CELSR2: variants seen among roughly 807,000 people sequenced by gnomAD.
CELSR2 encodes the protein EGF-like protein 2.
Under a neutral mutation model 251.6 loss-of-function variants are expected in CELSR2, and 81 were observed. The observed-to-expected ratio is 0.32, with a 90% CI of 0.27 to 0.39. The LOEUF (loss-of-function observed/expected upper bound fraction) is 0.39. CELSR2 is among the 10% of genes least tolerant of loss of function. The probability of loss-of-function intolerance (pLI) is 1.00; values close to 1 mark genes in which losing one functional copy is unlikely to be tolerated. For synonymous variants in CELSR2, 1,721 were observed against 1,670.5 expected, an observed-to-expected ratio of 1.03 and a Z score of -0.74; for missense variants, 3,365 against 3,947.7, an observed-to-expected ratio of 0.85 and a Z score of 3.96.
chr1:109,270,907 C>CG lies in CELSR2; in HGVS notation c.7484-19dup, dbSNP rs753377149. 1 of 1,582,468 alleles carries CG rather than the reference C, an allele frequency of 6.3e-7. No individual in the cohort carries two copies. Among genetic ancestry groups the CG allele is most frequent in the Non-Finnish European group, 8.7e-7 (1 of 1,154,822 alleles). On this transcript the variant is annotated intron_variant, in intron 24 of 33. Coordinates refer to ENST00000271332, the MANE Select transcript of CELSR2 (RefSeq NM_001408.3). ...CCCCTCATCACCCCTCCACTGCTCC[C>CG]GTCTGTCTCCATGCTCCAGGGCTAG...
Position 109,264,374 on chromosome 1 carries a change from C to A in CELSR2, c.5289+9C>A. On this transcript the variant is annotated intron_variant, in intron 10 of 33. Coordinates refer to ENST00000271332, the MANE Select transcript of CELSR2 (RefSeq NM_001408.3). ...TTCGGGGCTGTTTGCAGGTGAGTGT[C>A]CTGCCCTGCCCTCCCATCCCCTCCC... is the stretch of plus-strand genomic sequence containing the variant. 1 of 1,602,092 alleles carries A rather than the reference C, an allele frequency of 6.2e-7. No individual in the cohort carries two copies. Among genetic ancestry groups the A allele is most frequent in the Non-Finnish European group, 8.5e-7 (1 of 1,171,244 alleles).
rs532630947 is a variant in CELSR2 at position 109,265,124 on chromosome 1, T to C, written c.5607-67T>C. Reference sequence around the variant, plus strand: ...CACAGCCAGGGTCAGAAGGGCCACATAGGGCTCACCTAGGTTAGGTGGGAG... The same window carrying C: ...CACAGCCAGGGTCAGAAGGGCCACACAGGGCTCACCTAGGTTAGGTGGGAG... On this transcript the variant is annotated intron_variant, in intron 12 of 33. Coordinates refer to ENST00000271332, the MANE Select transcript of CELSR2 (RefSeq NM_001408.3). The C allele has an allele frequency of 3.8e-6, 6 of 1,585,682 alleles. No individual in the cohort carries two copies. In the East Asian group the frequency reaches 6.7e-5, roughly 18 times the overall value.
intron 2 of CELSR2, among the ~76,000 whole-genome samples, chr1:109,259,749 T>C (rs1042181568): frequency 6.6e-6 from 1 of 152,144 alleles, no homozygotes; most frequent in Non-Finnish European, 1.5e-5. Context: ...ATTGCACCTG[T>C]ATGGGCCTGG....
rs767466666 is a variant in CELSR2, at chr1:109,261,137, A to T, written c.4054A>T (p.Lys1352Ter). 3.1e-6 allele frequency: 5 copies of T among 1,613,988 alleles called. No individual in the cohort carries two copies. The highest frequency in any genetic ancestry group is 4.2e-6 in the Non-Finnish European group (5 of 1,180,010). The change falls in exon 3 of 34, where the codon AAG becomes TAG. Residue 1352 changes from lysine (K) to a stop codon, truncating the protein, a stop_gained. Transcript: ENST00000271332. LOFTEE classifies it high-confidence loss of function. The surrounding 1 kb of genome is among the most constrained non-coding windows in gnomAD (Gnocchi z 4.8). ...TGTCAACCTGCTGGTGGGCGGTTTC[A>T]AGTGCGATTGCCCATCTGGAGACTT... Reference protein sequence around the residue: ...TCVNLLVGGFKCDCPSGDFEK... With the variant: ...TCVNLLVGGF
At position 109,264,358 on chromosome 1, in the gene CELSR2, G is replaced by T; in HGVS notation, c.5282G>T (p.Cys1761Phe). ...GGTGTGGCCCGTGGCTTTCGGGGCT[G>T]TTTGCAGGTGAGTGTCCTGCCCTGC... ...AGGVARGFRG[C>F]LQGVRVSDTP... The change falls in exon 10 of 34, where the codon TGT becomes TTT. Residue 1761 changes from cysteine to phenylalanine, a missense_variant. This residue lies in a region of CELSR2 where 2,093 missense variants were observed against 2,382.8 expected (regional missense o/e 0.88). Transcript: ENST00000271332. 1.2e-6 allele frequency: 2 copies of T among 1,607,108 alleles called. No homozygotes were observed. The highest frequency in any genetic ancestry group is 1.7e-6 in the Non-Finnish European group (2 of 1,174,830).
At chr1:109,254,306 G>A (rs1263758502) in intron 1 of CELSR2, among the ~76,000 whole-genome samples, 1 of 152,234 alleles carries the variant, frequency 6.6e-6, no homozygotes, top group Non-Finnish European at 1.5e-5. Flanking sequence ...GGAGAGAACA[G>A]AGTCCCAGGG....
At position 109,258,464 on chromosome 1, in the gene CELSR2, C is replaced by T. The variant is rs1290236831; in HGVS notation, c.3343C>T (p.Leu1115=). ...GVHSVTAQCA[L]RVTIITDEML... The stretch of plus-strand genomic sequence containing the variant: ...ACACAGCGTGACCGCCCAGTGCGCG[C>T]TGCGTGTGACCATCATCACCGATGA... The change falls in exon 2 of 34, where the codon CTG becomes TTG. Residue 1115 remains leucine, a synonymous_variant. Transcript: ENST00000271332. The T allele has an allele frequency of 6.2e-7, 1 of 1,603,976 alleles. No homozygotes were observed. Among genetic ancestry groups the T allele is most frequent in the Non-Finnish European group, 8.5e-7 (1 of 1,175,440 alleles).
chr1:109,250,205 C>T lies in CELSR2; in HGVS notation c.126C>T (p.Ser42=). The change falls in exon 1 of 34, where the codon TCC becomes TCT. Residue 42 remains serine, a synonymous_variant. Transcript: ENST00000271332. The surrounding 1 kb of genome is among the most constrained non-coding windows in gnomAD (Gnocchi z 4.4). ...TGGGGCCCTGTCGTTCCTTGGGGTC[C>T]AGGGGACGAGGCTCTTCGGGGGCCT... The part of the protein sequence containing the change: ...DQVGPCRSLG[S]RGRGSSGACA... 6.2e-7 allele frequency: 1 copy of T among 1,600,522 alleles called. No individual in the cohort carries two copies. Among genetic ancestry groups the T allele is most frequent in the Non-Finnish European group, 8.5e-7 (1 of 1,174,870 alleles).
Position 109,270,485 on chromosome 1 carries a change from G to T in CELSR2, c.7368G>T (p.Trp2456Cys), listed in dbSNP as rs762107951. The T allele has an allele frequency of 6.8e-6, 11 of 1,614,086 alleles. No homozygotes were observed. The Admixed American group carries it at 1.7e-4, about 24-fold the overall frequency. Reference sequence around the variant, plus strand: ...TCCTGTACCTCTGCACCTTTTCCTGGGCTCTGCTGGAGGCCTTGCACCTGT... The same window carrying T: ...TCCTGTACCTCTGCACCTTTTCCTGTGCTCTGCTGGAGGCCTTGCACCTGT... ...LHFLYLCTFS[W>C]ALLEALHLYR... The change falls in exon 24 of 34, where the codon TGG becomes TGT. Residue 2456 changes from tryptophan to cysteine, a missense_variant. By Grantham distance (215) the Trp-to-Cys change is radical. Coordinates refer to ENST00000271332, the MANE Select transcript of CELSR2 (RefSeq NM_001408.3).
At position 109,259,223 on chromosome 1, in the gene CELSR2, C is replaced by T; in HGVS notation, c.3958+144C>T. The T allele has an allele frequency of 1.7e-5, 13 of 753,368 alleles. No homozygotes were observed. The South Asian group carries it at 2.3e-4, about 13-fold the overall frequency. The allele number at this position is 753,368 out of a possible 1,614,324, so 46.7% of individuals were successfully genotyped here. On this transcript the variant is annotated intron_variant, in intron 2 of 33. Coordinates refer to ENST00000271332, the MANE Select transcript of CELSR2 (RefSeq NM_001408.3). ...ACTGAGAGGTCATAAATCCGGCCTG[C>T]TCCCTGACAGCACCCCACTGAGGAA...
Position 109,270,040 on chromosome 1 carries a change from C to T in CELSR2, c.7215C>T (p.Arg2405=), listed in dbSNP as rs753124493. The T allele has an allele frequency of 1.9e-6, 3 of 1,614,148 alleles. No homozygotes were observed. Among genetic ancestry groups the T allele is most frequent in the South Asian group, 2.2e-5 (2 of 91,074 alleles). The part of the protein sequence containing the change: ...FFFLTLLRIL[R]SNQHGIRRNL... ...TCCTCACTCTCTTGCGTATCCTGCG[C>T]TCCAACCAACACGGCATCCGACGTA... The change falls in exon 23 of 34, where the codon CGC becomes CGT. Residue 2405 remains arginine, a synonymous_variant. Transcript: ENST00000271332.
At chr1:109,273,715 G>T in intron 33 of CELSR2, 45 bp downstream of exon 33, 1 of 1,393,160 alleles carries the variant, frequency 7.2e-7, no homozygotes, top group Non-Finnish European at 9.6e-7. Context: ...CCCCTCGGAG[G>T]CCTCACCTGG....
In CELSR2 at chr1:109,253,309, C is replaced by G. The variant is rs1177447311; in HGVS notation, c.3230C>G (p.Ala1077Gly). Residue 1077 changes from alanine (A) to glycine (G), a missense_variant, in exon 1 of 34, where the codon GCC becomes GGC. Ala to Gly is a moderately conservative substitution (Grantham distance 60, BLOSUM62 0). This residue lies in a region of CELSR2 where 505 missense variants were observed against 660.0 expected (regional missense o/e 0.77). Coordinates refer to ENST00000271332, the MANE Select transcript of CELSR2 (RefSeq NM_001408.3). ...GAACTCAGCCTGGTCCTGCTCAATGCCTCCACGGGTGAGCTGAAGCTAAGC... is the reference window on the plus strand; with the variant it reads ...GAACTCAGCCTGGTCCTGCTCAATGGCTCCACGGGTGAGCTGAAGCTAAGC... The part of the protein sequence containing the change: ...GNELSLVLLN[A>G]STGELKLSRA... The G allele has an allele frequency of 1.2e-6, 2 of 1,613,468 alleles. No homozygotes were observed.
chr1:109,260,706 A>G (rs895245322), intron 2 of CELSR2, among the ~76,000 whole-genome samples: 1 of 152,132 alleles, frequency 6.6e-6, no homozygotes, highest in South Asian at 2.1e-4. Context: ...GGCTCCCGGG[A>G]TCCGGGCCTT....
chr1:109,258,793 G>A lies in CELSR2; in HGVS notation c.3672G>A (p.Val1224=), dbSNP rs1655935314. Residue 1224 remains valine, a synonymous_variant, in exon 2 of 34, where the codon GTG becomes GTA. Coordinates refer to ENST00000271332, the MANE Select transcript of CELSR2 (RefSeq NM_001408.3). ...SLLTAISAQR[V]LPFDDNICLR... ...TGACGGCCATCTCGGCACAGCGCGT[G>A]CTGCCCTTCGACGACAACATCTGCC... 1 of 1,609,170 alleles carries A rather than the reference G, an allele frequency of 6.2e-7. No individual in the cohort carries two copies.
rs1182562130 is a variant in CELSR2, at chr1:109,274,200, G to A, written c.*151G>A. 10 of 1,560,608 alleles carry A rather than the reference G, an allele frequency of 6.4e-6. No individual in the cohort carries two copies. The highest frequency in any genetic ancestry group is 5.4e-5 in the Admixed American group (3 of 55,718). On this transcript the variant is annotated 3_prime_UTR_variant, in exon 34 of 34. Transcript: ENST00000271332. ...CCATCTGAGGAGCCTGGGCCTTGCCGGGAGGGGTACTCACCCCACCTAAGG... is the reference window on the plus strand; with the variant it reads ...CCATCTGAGGAGCCTGGGCCTTGCCAGGAGGGGTACTCACCCCACCTAAGG...
chr1:109,252,870 G>A lies in CELSR2; in HGVS notation c.2791G>A (p.Glu931Lys), dbSNP rs1439758030. 1.2e-6 allele frequency: 2 copies of A among 1,613,324 alleles called. No individual in the cohort carries two copies. The highest frequency in any genetic ancestry group is 1.7e-6 in the Non-Finnish European group (2 of 1,179,572). Residue 931 changes from glutamate (E) to lysine (K), a missense_variant, in exon 1 of 34, where the codon GAA (glutamate) becomes AAA (lysine). By Grantham distance (56) the Glu-to-Lys change is moderately conservative. This residue lies in a region of CELSR2 where 505 missense variants were observed against 660.0 expected (regional missense o/e 0.77). Transcript: ENST00000271332. The surrounding 1 kb of genome is among the most constrained non-coding windows in gnomAD (Gnocchi z 4.8). ...GCAGGATGAGTTTGATGTGTTTGTG[G>A]AAGAGAACAGCCCCATTGGGCTAGC... The part of the protein sequence containing the change: ...FEQDEFDVFV[E>K]ENSPIGLAVA...
In CELSR2 at chr1:109,252,168, C is replaced by G. The variant is rs780679599; in HGVS notation, c.2089C>G (p.Gln697Glu). ...CGATGGCACTCGGCAGGACACGGCACAGATTGTGGTGAATGTCACCGACGC... is the reference window on the plus strand; with the variant it reads ...CGATGGCACTCGGCAGGACACGGCAGAGATTGTGGTGAATGTCACCGACGC... ...ASDGTRQDTAQIVVNVTDANT... is the reference protein window; with the variant it reads ...ASDGTRQDTAEIVVNVTDANT... The change falls in exon 1 of 34, where the codon CAG becomes GAG. Residue 697 changes from glutamine to glutamate, a missense_variant. Gln to Glu is a conservative substitution (Grantham distance 29). Transcript: ENST00000271332. The surrounding 1 kb of genome is among the most constrained non-coding windows in gnomAD (Gnocchi z 4.8). 3.7e-6 allele frequency: 6 copies of G among 1,613,926 alleles called. No individual in the cohort carries two copies. The highest frequency in any genetic ancestry group is 1.7e-5 in the Admixed American group (1 of 60,022).
chr1:109,261,324 G>A lies in CELSR2; in HGVS notation c.4181+60G>A. The A allele has an allele frequency of 1.3e-6, 2 of 1,525,174 alleles. No homozygotes were observed. Among genetic ancestry groups the A allele is most frequent in the Non-Finnish European group, 1.8e-6 (2 of 1,109,778 alleles). The allele number at this position is 1,525,174 out of a possible 1,614,324, so 94.5% of individuals were successfully genotyped here. A position where few individuals can be genotyped will look rare whatever the true frequency, so the allele number is the denominator to read the frequency against. On this transcript the variant is annotated intron_variant, in intron 3 of 33. Coordinates refer to ENST00000271332, the MANE Select transcript of CELSR2 (RefSeq NM_001408.3). The surrounding 1 kb of genome is among the most constrained non-coding windows in gnomAD (Gnocchi z 4.8). ...CTGGTGGGCATCTGAGGTGCCTCCT[G>A]TTCTGTGGTTGAAGTAAGAGGTCAG...
Sources: allele counts gnomAD v4.1 joint callset (sites outside exome capture counted in the v4.1 genomes callset), GRCh38; gene constraint gnomAD v4.1.1; regional missense constraint gnomAD v4.1.1; non-coding constraint Gnocchi (gnomAD v3.1); transcripts MANE v1.5; gene names NCBI Gene and HGNC (gene_info 2026-07-23, HGNC 2026-07-21).